The following MAPRE2 variants were observed in gnomAD, a reference collection of about 807,000 sequenced individuals.
MAPRE2 encodes the protein microtubule associated protein RP/EB family member 2.
Under a neutral mutation model 43.2 loss-of-function variants are expected in MAPRE2, and 13 were observed. That is an observed-to-expected ratio of 0.30 (90% CI 0.20 to 0.48). MAPRE2 has a LOEUF of 0.48. MAPRE2 is among the 20% of genes least tolerant of loss of function. MAPRE2 has a pLI of 0.99. For synonymous variants in MAPRE2, 135 were observed against 148.8 expected (o/e 0.91, Z 0.68); for missense variants, 161 against 400.2 (o/e 0.40, Z 5.10).
chr18:34,981,741 C>T (rs139010260), intron 1 of MAPRE2, among the ~76,000 whole-genome samples: 12 of 152,246 alleles, frequency 7.9e-5, no homozygotes, highest in African/African-American at 2.9e-4. Flanking sequence ...TTTATTGCAA[C>T]ATACAGGTTT....
At chr18:35,123,568 T>C (rs1332052078) in intron 4 of MAPRE2, among the ~76,000 whole-genome samples, 1 of 152,178 alleles carries the variant, frequency 6.6e-6, no homozygotes, top group African/African-American at 2.4e-5. Context: ...ACTCCACCTC[T>C]CCTAATTGTG....
intron 3 of MAPRE2, 39 bp downstream of exon 3, chr18:35,097,630 C>G: frequency 2.5e-6 from 4 of 1,573,896 alleles, no homozygotes; most frequent in Non-Finnish European, 2.6e-6. Flanking sequence ...GTTGTTTTTT[C>G]TTAAAATTGT....
At chr18:34,985,318 AT>A (rs2097019420) in intron 1 of MAPRE2, among the ~76,000 whole-genome samples, 3 of 44,390 alleles carry the variant, frequency 6.8e-5, no homozygotes, top group African/African-American at 2.9e-4. Context: ...ATATTATATT[AT>A]ATATATAATA....
intron 1 of MAPRE2, among the ~76,000 whole-genome samples, chr18:35,055,246 C>T (rs1299883120): frequency 6.6e-6 from 1 of 152,206 alleles, no homozygotes; most frequent in East Asian, 1.9e-4. Flanking sequence ...GCCATGCTCC[C>T]TCCAACAGCT....
chr18:35,091,875 A>G (rs1433980199), intron 2 of MAPRE2, among the ~76,000 whole-genome samples: 1 of 152,214 alleles, frequency 6.6e-6, no homozygotes, highest in Non-Finnish European at 1.5e-5. Context: ...TGGGTAATGT[A>G]TTAATATTAA....
chr18:35,022,576 G>C (rs888679395), intron 2 of MAPRE2, among the ~76,000 whole-genome samples: 2 of 152,270 alleles, frequency 1.3e-5, no homozygotes, highest in East Asian at 3.9e-4. Context: ...TCTTCGGGTT[G>C]CAAGATTTAA....
At chr18:35,106,469 T>G (rs1908910928) in intron 4 of MAPRE2, among the ~76,000 whole-genome samples, 1 of 152,062 alleles carries the variant, frequency 6.6e-6, no homozygotes, top group South Asian at 2.1e-4. Context: ...ATTGTCACCA[T>G]GAAAGGACTC....
At chr18:35,053,070 A>G (rs971476109) in intron 1 of MAPRE2, among the ~76,000 whole-genome samples, 1 of 146,384 alleles carries the variant, frequency 6.8e-6, no homozygotes, top group African/African-American at 2.4e-5. Flanking sequence ...AATTAGTTAC[A>G]TGGTCCATCC....
chr18:35,042,583 C>A (rs1034878137), intron 1 of MAPRE2, among the ~76,000 whole-genome samples: 13 of 152,178 alleles, frequency 8.5e-5, no homozygotes, highest in Admixed American at 7.9e-4. Flanking sequence ...CAGCTAGAGT[C>A]TTATGCAGCT....
intron 4 of MAPRE2, among the ~76,000 whole-genome samples, chr18:35,124,719 T>C (rs1569013029): frequency 6.6e-6 from 1 of 152,206 alleles, no homozygotes; most frequent in Non-Finnish European, 1.5e-5. Context: ...TATAAAAAGA[T>C]CTGAAAGAAC....
chr18:35,006,202 G>A (rs1409566612), intron 2 of MAPRE2, among the ~76,000 whole-genome samples: 1 of 152,150 alleles, frequency 6.6e-6, no homozygotes, highest in African/African-American at 2.4e-5. Flanking sequence ...GCCATTCAGA[G>A]AGGTCCCAAG....
At chr18:35,042,148 A>G (rs902249604) in intron 1 of MAPRE2, among the ~76,000 whole-genome samples, 16 of 152,190 alleles carry the variant, frequency 1.1e-4, no homozygotes, top group Non-Finnish European at 1.8e-4. Flanking sequence ...CGCCAGATTG[A>G]TGGAGCTTTG....
intron 6 of MAPRE2, among the ~76,000 whole-genome samples, chr18:35,137,702 TCA>T (rs1207820458): frequency 6.6e-6 from 1 of 152,164 alleles, no homozygotes; most frequent in Admixed American, 6.5e-5. Flanking sequence ...CGTGGAGGGC[TCA>T]GAGCCCGGCT....
intron 2 of MAPRE2, among the ~76,000 whole-genome samples, chr18:35,024,924 A>T (rs1245904000): frequency 6.6e-6 from 1 of 152,128 alleles, no homozygotes; most frequent in Admixed American, 6.5e-5. Flanking sequence ...AGAAAAATAT[A>T]AAAAAATACA....
At chr18:35,123,035 G>A (rs1443642) in intron 4 of MAPRE2, among the ~76,000 whole-genome samples, 27,560 of 152,160 alleles carry the variant, frequency 0.18, 3,208 homozygotes, top group African/African-American at 0.32. Context: ...CCTCCCTGCC[G>A]TGAGCCATGC....
intron 1 of MAPRE2, among the ~76,000 whole-genome samples, chr18:35,065,776 A>G (rs924292764): frequency 2.6e-5 from 4 of 152,004 alleles, no homozygotes; most frequent in Admixed American, 1.3e-4. Context: ...CTGGTCTCGA[A>G]CTCCGGACCT....
At chr18:34,978,836 C>T (rs142579126) in intron 1 of MAPRE2, among the ~76,000 whole-genome samples, 8 of 152,280 alleles carry the variant, frequency 5.3e-5, no homozygotes, top group Admixed American at 4.6e-4. Flanking sequence ...AATTTTGCTG[C>T]ATAGTGGAAT....
chr18:35,044,119 G>A (rs1172945806), intron 1 of MAPRE2, among the ~76,000 whole-genome samples: 1 of 152,194 alleles, frequency 6.6e-6, no homozygotes, highest in African/African-American at 2.4e-5. Context: ...CCTTATGGTG[G>A]GGTTGGGGTT....
At chr18:35,011,602 T>A (rs1238782908) in intron 2 of MAPRE2, among the ~76,000 whole-genome samples, 1 of 152,078 alleles carries the variant, frequency 6.6e-6, no homozygotes, top group Non-Finnish European at 1.5e-5. Flanking sequence ...CTCTGATGGC[T>A]GTGTAAAGGA....
Sources: gnomAD v4.1 joint callset for allele counts (sites outside exome capture counted in the v4.1 genomes callset) on GRCh38, gnomAD v4.1.1 for gene constraint, MANE v1.5 for transcripts, NCBI Gene and HGNC (gene_info 2026-07-23, HGNC 2026-07-21) for gene names.